AIM2: variants seen among roughly 807,000 people sequenced by gnomAD.
The protein encoded by AIM2 is interferon-inducible protein AIM2.
A neutral mutation model predicts 27.7 loss-of-function variants in AIM2; 30 were observed. That is an observed-to-expected ratio of 1.08 (90% confidence interval 0.81 to 1.47). AIM2 has a LOEUF of 1.47. AIM2 is among the 40% of genes most tolerant of loss of function. The pLI is 0.00. For missense variants in AIM2, 358 were observed against 411.3 expected (o/e 0.87, Z 1.12); for synonymous variants, 141 against 145.3 (o/e 0.97, Z 0.21).
At chr1:159,132,962 AAAG>A (rs1452962741) in intron 1 of AIM2, among the ~76,000 whole-genome samples, 1 of 152,202 alleles carries the variant, frequency 6.6e-6, no homozygotes, top group Non-Finnish European at 1.5e-5. Flanking sequence ...ACTTACTTTA[AAAG>A]AAGAAGGATA....
intron 1 of AIM2, among the ~76,000 whole-genome samples, chr1:159,120,531 C>T (rs770289289): frequency 1.3e-5 from 2 of 152,094 alleles, no homozygotes; most frequent in African/African-American, 2.4e-5. Context: ...CTGTCAAAAA[C>T]GTTAAGGATT....
At chr1:159,070,837 T>C (rs915919647) in intron 2 of AIM2, among the ~76,000 whole-genome samples, 1 of 152,190 alleles carries the variant, frequency 6.6e-6, no homozygotes, top group African/African-American at 2.4e-5. Flanking sequence ...GGTATGCAGA[T>C]AAAGTCTCTC....
intron 1 of AIM2, among the ~76,000 whole-genome samples, chr1:159,075,770 G>A (rs1168168185): frequency 6.6e-6 from 1 of 152,140 alleles, no homozygotes; most frequent in Non-Finnish European, 1.5e-5. Context: ...AAAGATGTTT[G>A]ACATTATTAG....
At chr1:159,065,769 C>T (rs1419455010) in intron 4 of AIM2, 141 bp downstream of exon 4, 2 of 910,986 alleles carry the variant, frequency 2.2e-6, no homozygotes, top group East Asian at 6.0e-5. Context: ...GGCATGTTTA[C>T]TCTGCAGCTC....
chr1:159,099,473 C>T (rs1196379302), intron 1 of AIM2, among the ~76,000 whole-genome samples: 2 of 152,210 alleles, frequency 1.3e-5, no homozygotes, highest in African/African-American at 4.8e-5. Context: ...ATTCATTCCA[C>T]AAGGTCACCA....
intron 1 of AIM2, among the ~76,000 whole-genome samples, chr1:159,124,524 G>A (rs991306828): frequency 3.9e-5 from 6 of 152,148 alleles, no homozygotes; most frequent in Non-Finnish European, 8.8e-5. Flanking sequence ...TCCTCTCCCC[G>A]GTTTATTTAC....
At chr1:159,055,565 T>C in the AIM2 span, among the ~76,000 whole-genome samples, 4 of 152,236 alleles carry the variant, frequency 2.6e-5, no homozygotes, top group South Asian at 2.1e-4. Context: ...TATCTGGTTT[T>C]ATGCATTTCC....
intron 1 of AIM2, among the ~76,000 whole-genome samples, chr1:159,146,150 CATG>C (rs1648198480): frequency 6.6e-6 from 1 of 151,362 alleles, no homozygotes; most frequent in Non-Finnish European, 1.5e-5. Flanking sequence ...TCTCTAAGGA[CATG>C]AAGTATCTCT....
intron 1 of AIM2, among the ~76,000 whole-genome samples, chr1:159,107,595 AT>A (rs1423110622): frequency 6.6e-6 from 1 of 152,248 alleles, no homozygotes; most frequent in African/African-American, 2.4e-5. Flanking sequence ...AAACAAAAAA[AT>A]ATGAAATATA....
intron 1 of AIM2, among the ~76,000 whole-genome samples, chr1:159,135,268 C>T (rs1484781012): frequency 6.6e-6 from 1 of 152,210 alleles, no homozygotes; most frequent in Non-Finnish European, 1.5e-5. Flanking sequence ...ACCTTCATCT[C>T]TGAGTGGATA....
In AIM2 at chr1:159,122,620, G is replaced by A. The variant is rs531295731; in HGVS notation, c.-16+17811C>T. On this transcript the variant is annotated intron_variant, in intron 1 of 2. Transcript: ENST00000368129. Reference sequence around the variant, plus strand: ...GGATCCACTTGTTCAGAAAAACAATGGCACTGAGAAGGAACGCAAAGGAAC... The same window carrying A: ...GGATCCACTTGTTCAGAAAAACAATAGCACTGAGAAGGAACGCAAAGGAAC... Among the ~76,000 whole-genome samples the A allele has an allele frequency of 5.3e-5, 8 of 152,258 alleles. No homozygotes were observed. The East Asian group carries it at 9.6e-4, about 18-fold the overall frequency.
downstream of AIM2, among the ~76,000 whole-genome samples, chr1:159,060,881 A>G (rs1038788364): frequency 6.6e-6 from 1 of 152,388 alleles, no homozygotes; most frequent in East Asian, 1.9e-4. Flanking sequence ...GTGAACATAC[A>G]TAATTATTTC....
At chr1:159,134,549 C>T (rs1431681926) in intron 1 of AIM2, among the ~76,000 whole-genome samples, 5 of 152,164 alleles carry the variant, frequency 3.3e-5, no homozygotes, top group Admixed American at 2.0e-4. Flanking sequence ...GTCCTTCATC[C>T]GGCCGAGTGC....
chr1:159,100,192 T>C (rs773571612), intron 1 of AIM2, among the ~76,000 whole-genome samples: 27 of 152,236 alleles, frequency 1.8e-4, no homozygotes, highest in Non-Finnish European at 3.7e-4. Context: ...CTCTCCATGT[T>C]AATGAAGACT....
At chr1:159,102,791 T>C (rs1256933245) in intron 1 of AIM2, among the ~76,000 whole-genome samples, 2 of 152,252 alleles carry the variant, frequency 1.3e-5, no homozygotes, top group African/African-American at 2.4e-5. Context: ...TTAATGCCTG[T>C]ACCCTTATTG....
chr1:159,063,989 A>G (rs1398532189), intron 4 of AIM2, among the ~76,000 whole-genome samples: 2 of 152,100 alleles, frequency 1.3e-5, no homozygotes, highest in Non-Finnish European at 2.9e-5. Flanking sequence ...TATTAATAAC[A>G]TTTTTCTCTA....
At chr1:159,063,797 A>AT in intron 4 of AIM2, 123 bp from the exon 5 acceptor site, 4 of 1,055,762 alleles carry the variant, frequency 3.8e-6, no homozygotes, top group Non-Finnish European at 5.5e-6. Context: ...AACAACACAG[A>AT]TTTTACCTGT....
At chr1:159,114,366 G>A (rs1647272278) in intron 1 of AIM2, among the ~76,000 whole-genome samples, 1 of 152,188 alleles carries the variant, frequency 6.6e-6, no homozygotes, top group African/African-American at 2.4e-5. Context: ...AGTTTAGTGG[G>A]AAAGGGTCCA....
chr1:159,090,325 A>G (rs1374961171), intron 1 of AIM2, among the ~76,000 whole-genome samples: 1 of 152,260 alleles, frequency 6.6e-6, no homozygotes, highest in Non-Finnish European at 1.5e-5. Context: ...CTTTAAATAA[A>G]GTGCAGGAAT....
Sources: gnomAD v4.1 joint callset for allele counts (sites outside exome capture counted in the v4.1 genomes callset) on GRCh38, gnomAD v4.1.1 for gene constraint, MANE v1.5 for transcripts, NCBI Gene and HGNC (gene_info 2026-07-23, HGNC 2026-07-21) for gene names.